GALNTL6: variants seen among roughly 807,000 people sequenced by gnomAD.
GALNTL6 encodes the protein polypeptide N-acetylgalactosaminyltransferase like 6, also known as polypeptide N-acetylgalactosaminyltransferase-like 6.
In GALNTL6, 46 loss-of-function variants were observed where a neutral mutation model predicts 73.7. That is an observed-to-expected ratio of 0.62 (90% CI 0.49 to 0.80). GALNTL6 has a LOEUF of 0.80. Ranked by LOEUF, GALNTL6 falls within the 30% of genes least tolerant of loss-of-function variation. GALNTL6 has a pLI of 0.00. For missense variants in GALNTL6, 604 were observed against 755.0 expected, an observed-to-expected ratio of 0.80 and a Z score of 2.34; for synonymous variants, 259 against 263.7, an observed-to-expected ratio of 0.98 and a Z score of 0.17.
intron 5 of GALNTL6, among the ~76,000 whole-genome samples, chr4:172,533,302 C>T (rs1187967844): frequency 2.1e-5 from 3 of 142,944 alleles, no homozygotes; most frequent in Admixed American, 1.4e-4. Context: ...CGTGAGCCGC[C>T]GTGCCCGGCC....
intron 2 of GALNTL6, among the ~76,000 whole-genome samples, chr4:172,042,685 G>A (rs1328325468): frequency 6.6e-6 from 1 of 151,286 alleles, no homozygotes; most frequent in East Asian, 1.9e-4. Context: ...ACTCAAAAAT[G>A]TTTTCACTTC....
intron 5 of GALNTL6, among the ~76,000 whole-genome samples, chr4:172,759,584 G>A (rs7669486): frequency 0.32 from 47,883 of 151,858 alleles, 8,169 homozygotes; most frequent in Middle Eastern, 0.46. Flanking sequence ...CCATAGGCAG[G>A]GGGTGTGTGC....
intron 5 of GALNTL6, among the ~76,000 whole-genome samples, chr4:172,408,157 G>A (rs958498596): frequency 5.9e-5 from 9 of 151,982 alleles, no homozygotes; most frequent in African/African-American, 1.9e-4. Context: ...CCGTGAACTT[G>A]AAAGTCTGTC....
intron 2 of GALNTL6, among the ~76,000 whole-genome samples, chr4:171,833,600 C>G (rs1172474999): frequency 6.6e-6 from 1 of 151,636 alleles, no homozygotes; most frequent in East Asian, 1.9e-4. Context: ...TGTTTGTAAA[C>G]TATGGTAAAA....
At chr4:171,865,179 G>C (rs960376163) in intron 2 of GALNTL6, among the ~76,000 whole-genome samples, 7 of 151,860 alleles carry the variant, frequency 4.6e-5, no homozygotes, top group Non-Finnish European at 7.4e-5. Context: ...TGGAAACCTA[G>C]AAAAAATGTT....
intron 2 of GALNTL6, among the ~76,000 whole-genome samples, chr4:172,124,337 A>G (rs926737634): frequency 6.6e-6 from 1 of 152,142 alleles, no homozygotes; most frequent in Non-Finnish European, 1.5e-5. Context: ...CCATTTTTTG[A>G]GGCTCTCTCA....
intron 7 of GALNTL6, among the ~76,000 whole-genome samples, chr4:172,865,542 T>A (rs530279434): frequency 6.6e-6 from 1 of 152,344 alleles, no homozygotes; most frequent in African/African-American, 2.4e-5. Flanking sequence ...ATATTAGACG[T>A]TTGATTAATG....
intron 5 of GALNTL6, among the ~76,000 whole-genome samples, chr4:172,675,768 G>A (rs1041206849): frequency 1.2e-4 from 18 of 152,072 alleles, no homozygotes; most frequent in African/African-American, 3.4e-4. Flanking sequence ...ACAAGACACC[G>A]GGCTCAGTAT....
In GALNTL6 at chr4:172,276,244, G is replaced by T. The variant is rs186918294; in HGVS notation, c.248-35370G>T. Among the ~76,000 whole-genome samples the T allele has an allele frequency of 4.5e-3, 685 of 152,170 alleles. 6 individuals are homozygous for T. The highest frequency in any genetic ancestry group is 5.0e-3 in the Non-Finnish European group (343 of 68,014). On this transcript the variant is annotated intron_variant, in intron 3 of 12. Coordinates refer to ENST00000506823, the MANE Select transcript of GALNTL6 (RefSeq NM_001034845.3). Reference sequence around the variant, plus strand: ...TACTTGTTTTATATCTTCCTTACATGAATGTGGACATGTTTCCTGGAGCCA... The same window carrying T: ...TACTTGTTTTATATCTTCCTTACATTAATGTGGACATGTTTCCTGGAGCCA...
chr4:172,650,829 A>G (rs1025248490), intron 5 of GALNTL6, among the ~76,000 whole-genome samples: 17 of 152,330 alleles, frequency 1.1e-4, no homozygotes, highest in African/African-American at 4.1e-4. Context: ...GCCTAAGCAA[A>G]TAAGTTTTGA....
chr4:172,847,495 T>C (rs942922051), intron 7 of GALNTL6, among the ~76,000 whole-genome samples: 4 of 151,948 alleles, frequency 2.6e-5, no homozygotes, highest in Non-Finnish European at 5.9e-5. Context: ...TATATGTTTA[T>C]ATATATATTT....
intron 2 of GALNTL6, among the ~76,000 whole-genome samples, chr4:171,899,318 T>C (rs540798524): frequency 2.0e-5 from 3 of 152,224 alleles, no homozygotes; most frequent in Admixed American, 2.0e-4. Context: ...TTCAAAGTAT[T>C]TCAGTCTTCC....
At chr4:172,575,518 A>G (rs1736928790) in intron 5 of GALNTL6, among the ~76,000 whole-genome samples, 1 of 152,218 alleles carries the variant, frequency 6.6e-6, no homozygotes, top group African/African-American at 2.4e-5. Flanking sequence ...CTAGCAAGAG[A>G]TAGAGATATT....
intron 5 of GALNTL6, among the ~76,000 whole-genome samples, chr4:172,500,384 A>G (rs113199417): frequency 4.2e-4 from 64 of 152,214 alleles, no homozygotes; most frequent in Non-Finnish European, 7.4e-4. Flanking sequence ...TAGCATCACT[A>G]CACTCCAGCC....
intron 3 of GALNTL6, among the ~76,000 whole-genome samples, chr4:172,300,505 G>T (rs1739872422): frequency 6.6e-6 from 1 of 152,138 alleles, no homozygotes; most frequent in African/African-American, 2.4e-5. Context: ...GCAGTGGCTG[G>T]TACCGGTTGT....
At position 171,846,427 on chromosome 4, in the gene GALNTL6, G is replaced by A. The variant is rs550251814; in HGVS notation, c.138+31709G>A. On this transcript the variant is annotated intron_variant, in intron 2 of 12. Coordinates refer to ENST00000506823, the MANE Select transcript of GALNTL6 (RefSeq NM_001034845.3). ...TTACCTACAACCATGGCCAGAGGAGGTAGACAGTAGGGGGCAGTGCAGTGT... is the reference window on the plus strand; with the variant it reads ...TTACCTACAACCATGGCCAGAGGAGATAGACAGTAGGGGGCAGTGCAGTGT... Among the ~76,000 whole-genome samples, 28 of 152,244 alleles carry A rather than the reference G, an allele frequency of 1.8e-4. No individual in the cohort carries two copies. The East Asian group carries it at 4.2e-3, about 23-fold the overall frequency.
intron 5 of GALNTL6, among the ~76,000 whole-genome samples, chr4:172,393,369 T>A (rs1439724962): frequency 1.3e-5 from 2 of 152,188 alleles, no homozygotes; most frequent in African/African-American, 4.8e-5. Context: ...TTCTTTTTCA[T>A]GTAGCTCTCA....
intron 5 of GALNTL6, among the ~76,000 whole-genome samples, chr4:172,770,071 C>T (rs1418463258): frequency 6.6e-6 from 1 of 152,034 alleles, no homozygotes; most frequent in Non-Finnish European, 1.5e-5. Context: ...CGAAACCAGC[C>T]TGACCAACGG....
chr4:172,526,254 C>T (rs917222944), intron 5 of GALNTL6, among the ~76,000 whole-genome samples: 1 of 152,100 alleles, frequency 6.6e-6, no homozygotes, highest in Non-Finnish European at 1.5e-5. Flanking sequence ...ACTTTTGTTT[C>T]TAAATAAAAT....
Sources: gnomAD v4.1 joint callset for allele counts (sites outside exome capture counted in the v4.1 genomes callset) on GRCh38, gnomAD v4.1.1 for gene constraint, MANE v1.5 for transcripts, NCBI Gene and HGNC (gene_info 2026-07-23, HGNC 2026-07-21) for gene names.